The following ARHGAP42 variants were observed in gnomAD, a reference collection of about 807,000 sequenced individuals.
ARHGAP42 encodes Rho GTPase activating protein 42.
A neutral mutation model predicts 125.0 loss-of-function variants in ARHGAP42; 63 were observed. That is an observed-to-expected ratio of 0.50 (90% CI 0.41 to 0.62). The LOEUF is 0.62. Ranked by LOEUF, ARHGAP42 falls within the 20% of genes least tolerant of loss-of-function variation. ARHGAP42 has a pLI of 0.00. For synonymous variants in ARHGAP42, 339 were observed against 351.0 expected, an observed-to-expected ratio of 0.97 and a Z score of 0.38; for missense variants, 766 against 1,024.2, an observed-to-expected ratio of 0.75 and a Z score of 3.44.
intron 6 of ARHGAP42, among the ~76,000 whole-genome samples, chr11:100,926,607 T>C (rs1697452068): frequency 6.6e-6 from 1 of 152,192 alleles, no homozygotes; most frequent in African/African-American, 2.4e-5. Flanking sequence ...GCTGTGCAAA[T>C]ATGGCACACT....
chr11:100,858,075 A>T (rs528343753), intron 3 of ARHGAP42, among the ~76,000 whole-genome samples: 6 of 110,694 alleles, frequency 5.4e-5, no homozygotes, highest in African/African-American at 1.9e-4. Flanking sequence ...CATCTGTACA[A>T]TCTGGATAGG....
chr11:100,986,909 G>A (rs1858692411), intron 22 of ARHGAP42, among the ~76,000 whole-genome samples: 1 of 151,934 alleles, frequency 6.6e-6, no homozygotes, highest in African/African-American at 2.4e-5. Context: ...CAGAGGTTGG[G>A]AGCTGAGTGG....
intron 4 of ARHGAP42, among the ~76,000 whole-genome samples, chr11:100,886,838 G>T (rs1469272363): frequency 6.6e-6 from 1 of 152,152 alleles, no homozygotes; most frequent in Non-Finnish European, 1.5e-5. Flanking sequence ...ACTGAATTAG[G>T]TTTAGACTTT....
chr11:100,853,839 A>C (rs1282634740), intron 3 of ARHGAP42, among the ~76,000 whole-genome samples: 3 of 152,104 alleles, frequency 2.0e-5, no homozygotes, highest in Non-Finnish European at 4.4e-5. Flanking sequence ...ACAGTTAATA[A>C]GCTTTGACAT....
intron 1 of ARHGAP42, among the ~76,000 whole-genome samples, chr11:100,724,691 A>AT (rs56747756): frequency 1.3e-5 from 2 of 149,464 alleles, no homozygotes; most frequent in East Asian, 2.0e-4. Context: ...GGTCTTTACT[A>AT]TTTTTTTTTT....
At chr11:100,900,088 G>A (rs1866500503) in intron 4 of ARHGAP42, among the ~76,000 whole-genome samples, 1 of 152,000 alleles carries the variant, frequency 6.6e-6, no homozygotes, top group South Asian at 2.1e-4. Flanking sequence ...AGGACCTCTT[G>A]TAAGGCAGGC....
chr11:100,846,605 CA>C (rs1224818730), intron 3 of ARHGAP42, among the ~76,000 whole-genome samples: 2 of 151,996 alleles, frequency 1.3e-5, no homozygotes, highest in Non-Finnish European at 2.9e-5. Context: ...TTGGGGGATA[CA>C]AAAATAAAAG....
chr11:100,843,430 A>G (rs1009060628), intron 3 of ARHGAP42, among the ~76,000 whole-genome samples: 5 of 152,138 alleles, frequency 3.3e-5, no homozygotes, highest in African/African-American at 7.2e-5. Flanking sequence ...TCTCTTCAGT[A>G]TAGTACTGGA....
intron 3 of ARHGAP42, among the ~76,000 whole-genome samples, chr11:100,823,884 A>G (rs1430236567): frequency 6.6e-6 from 1 of 152,140 alleles, no homozygotes; most frequent in African/African-American, 2.4e-5. Flanking sequence ...AATCATTTTT[A>G]CCCCCAAAAC....
At chr11:100,965,837 C>A (rs1858076685) in intron 17 of ARHGAP42, 61 bp downstream of exon 17, 1 of 1,388,360 alleles carries the variant, frequency 7.2e-7, no homozygotes, top group Non-Finnish European at 1.0e-6. Flanking sequence ...TTGTTCATGT[C>A]TTTTTAAAGT....
At chr11:100,954,345 C>T (rs745775108) in intron 12 of ARHGAP42, among the ~76,000 whole-genome samples, 9 of 152,094 alleles carry the variant, frequency 5.9e-5, no homozygotes, top group Non-Finnish European at 7.4e-5. Context: ...ATTGACTTTC[C>T]GCTAATAAAA....
intron 8 of ARHGAP42, 111 bp downstream of exon 8, chr11:100,936,443 T>G (rs1867741124): frequency 7.2e-7 from 1 of 1,383,652 alleles, no homozygotes; most frequent in Non-Finnish European, 9.7e-7. Flanking sequence ...TTCTTATAGC[T>G]TTATATCTAC....
At chr11:100,801,207 T>C (rs117644317) in intron 3 of ARHGAP42, among the ~76,000 whole-genome samples, 1 of 152,162 alleles carries the variant, frequency 6.6e-6, no homozygotes, top group African/African-American at 2.4e-5. Context: ...TGTACAAAGA[T>C]GTGTCAAAGA....
chr11:100,695,319 C>G (rs1276109936), intron 1 of ARHGAP42, among the ~76,000 whole-genome samples: 3 of 152,130 alleles, frequency 2.0e-5, no homozygotes, highest in Non-Finnish European at 4.4e-5. Context: ...AGATTCTTCT[C>G]TCTAGGATTC....
At chr11:100,897,377 G>C (rs549688084) in intron 4 of ARHGAP42, among the ~76,000 whole-genome samples, 257 of 152,196 alleles carry the variant, frequency 1.7e-3, no homozygotes, top group Non-Finnish European at 2.9e-3. Flanking sequence ...TTCTGTGAAG[G>C]AAGTCATTGG....
intron 2 of ARHGAP42, among the ~76,000 whole-genome samples, chr11:100,777,915 G>C (rs570576609): frequency 6.6e-6 from 1 of 152,260 alleles, no homozygotes; most frequent in Admixed American, 6.5e-5. Flanking sequence ...GGGTGTGATA[G>C]TTCACACCTA....
intron 2 of ARHGAP42, among the ~76,000 whole-genome samples, chr11:100,775,146 T>C (rs182505686): frequency 6.6e-6 from 1 of 152,312 alleles, no homozygotes; most frequent in East Asian, 1.9e-4. Context: ...ACTGCAGTGC[T>C]GGGTGAGTGG....
intron 3 of ARHGAP42, among the ~76,000 whole-genome samples, chr11:100,808,714 C>G (rs1864065101): frequency 2.0e-5 from 3 of 152,158 alleles, no homozygotes; most frequent in Admixed American, 2.0e-4. Flanking sequence ...CAAATTCACT[C>G]TTAACTATAA....
rs116170848 is a variant in ARHGAP42 at position 100,927,352 on chromosome 11, G to A, written c.597+5748G>A. On this transcript the variant is annotated intron_variant, in intron 6 of 23. Coordinates refer to ENST00000298815, the MANE Select transcript of ARHGAP42 (RefSeq NM_152432.4). ...TGAAAAAAATAAGGTTAGCATCATTGTTTTTCGAAACTCTGTAGGACTAAA... is the reference window on the plus strand; with the variant it reads ...TGAAAAAAATAAGGTTAGCATCATTATTTTTCGAAACTCTGTAGGACTAAA... 3.2e-3 allele frequency among the ~76,000 whole-genome samples: 494 copies of A among 152,132 alleles called. 3 individuals are homozygous for A. Among genetic ancestry groups the A allele is most frequent in the African/African-American group, 0.011 (460 of 41,530 alleles).
Sources: gnomAD v4.1 joint callset for allele counts (sites outside exome capture counted in the v4.1 genomes callset) on GRCh38, gnomAD v4.1.1 for gene constraint, MANE v1.5 for transcripts, NCBI Gene and HGNC (gene_info 2026-07-23, HGNC 2026-07-21) for gene names.